The following GUCA1C variants were observed in gnomAD, a reference collection of about 807,000 sequenced individuals.
The protein encoded by GUCA1C is guanylate cyclase activator 1C.
In GUCA1C, 15 loss-of-function variants were observed where a neutral mutation model predicts 16.2. The observed-to-expected ratio is 0.93, with a 90% CI of 0.62 to 1.43. The LOEUF is 1.43. Ranked by LOEUF, GUCA1C falls within the 40% of genes most tolerant of loss-of-function variation. The probability of loss-of-function intolerance (pLI) is 0.00; values close to 1 mark genes in which losing one functional copy is unlikely to be tolerated. For missense variants in GUCA1C, 275 were observed against 244.8 expected, an observed-to-expected ratio of 1.12 and a Z score of -0.82; for synonymous variants, 78 against 85.4, an observed-to-expected ratio of 0.91 and a Z score of 0.48.
intron 3 of GUCA1C, among the ~76,000 whole-genome samples, chr3:108,910,893 A>G (rs1021384050): frequency 2.0e-5 from 3 of 151,842 alleles, no homozygotes; most frequent in African/African-American, 7.3e-5. Flanking sequence ...CTCGTGATCC[A>G]CCCACCTCGG....
rs551991614 is a variant in GUCA1C at position 108,940,923 on chromosome 3, G to A, written c.204+12636C>T. Among the ~76,000 whole-genome samples the A allele has an allele frequency of 3.2e-4, 48 of 152,326 alleles. No homozygotes were observed. The South Asian group carries it at 9.5e-3, about 30-fold the overall frequency. ...GAGACACAGAGAGGTTAATGGTCTT[G>A]TCCAAGATTACATACCCCAAGTAAG... On this transcript the variant is annotated intron_variant, in intron 1 of 3. Coordinates refer to ENST00000261047, the MANE Select transcript of GUCA1C (RefSeq NM_005459.4).
Position 108,931,917 on chromosome 3 carries a change from G to A in GUCA1C, c.205-11332C>T, listed in dbSNP as rs145271196. Among the ~76,000 whole-genome samples the A allele has an allele frequency of 3.6e-4, 50 of 139,214 alleles. No individual in the cohort carries two copies. In the East Asian group the frequency reaches 9.7e-3, roughly 27 times the overall value. The allele number at this position is 139,214 out of a possible 152,430, so 91.3% of individuals were successfully genotyped here. ...GGAGTCTCGCTCTGTCACCCAGGCT[G>A]GAGTGCAGTAGTGCAATCTGGCCTC... is the stretch of plus-strand genomic sequence containing the variant. On this transcript the variant is annotated intron_variant, in intron 1 of 3. Coordinates refer to ENST00000261047, the MANE Select transcript of GUCA1C (RefSeq NM_005459.4).
rs762730549 is a variant in GUCA1C, at chr3:108,908,138, T to A, written c.514A>T (p.Ser172Cys). 2 of 1,613,794 alleles carry A rather than the reference T, an allele frequency of 1.2e-6. No homozygotes were observed. The highest frequency in any genetic ancestry group is 4.5e-5 in the East Asian group (2 of 44,876). The change falls in exon 4 of 4, where the codon AGC (serine) becomes TGC (cysteine). Residue 172 changes from serine (S) to cysteine (C), a missense_variant. Transcript: ENST00000261047. ...DQDLLEIVYK[S>C]FDFSNVLRVI... is the part of the protein sequence containing the mutation. ...CTCAGCACATTGGAGAAGTCGAAGC[T>A]CTTGTAAACAATCTCCAGGAGATCC...
intron 1 of GUCA1C, among the ~76,000 whole-genome samples, chr3:108,935,592 A>G (rs1268065339): frequency 1.3e-5 from 2 of 151,800 alleles, no homozygotes; most frequent in Non-Finnish European, 2.9e-5. Flanking sequence ...GCTACTTGGG[A>G]GGCTGAGGCA....
At chr3:108,947,628 T>C (rs1377871429) in intron 1 of GUCA1C, among the ~76,000 whole-genome samples, 1 of 152,182 alleles carries the variant, frequency 6.6e-6, no homozygotes, top group Admixed American at 6.5e-5. Context: ...AGATGAATAA[T>C]AAATATTTTT....
chr3:108,926,119 G>A (rs2107291960), intron 1 of GUCA1C, among the ~76,000 whole-genome samples: 1 of 151,492 alleles, frequency 6.6e-6, no homozygotes, highest in South Asian at 2.1e-4. Context: ...CCAGTGTTAG[G>A]TGAATATATA....
intron 1 of GUCA1C, among the ~76,000 whole-genome samples, chr3:108,930,581 A>G (rs1339601570): frequency 6.6e-6 from 1 of 152,232 alleles, no homozygotes; most frequent in Non-Finnish European, 1.5e-5. Flanking sequence ...TACAGTCAGA[A>G]AGTGATAAGA....
chr3:108,935,554 A>G (rs1463741785), intron 1 of GUCA1C, among the ~76,000 whole-genome samples: 1 of 151,576 alleles, frequency 6.6e-6, no homozygotes, highest in Non-Finnish European at 1.5e-5. Flanking sequence ...AAATTAGCTA[A>G]GCATGGTGGC....
chr3:108,952,054 C>T (rs1003125104), intron 1 of GUCA1C, among the ~76,000 whole-genome samples: 1 of 152,346 alleles, frequency 6.6e-6, no homozygotes, highest in Non-Finnish European at 1.5e-5. Flanking sequence ...AACTGTAAAA[C>T]TCGATAGCTC....
At chr3:108,932,924 C>CAAAAAAAAAAAAAAAAAAAA in intron 1 of GUCA1C, among the ~76,000 whole-genome samples, 1 of 68,680 alleles carries the variant, frequency 1.5e-5, no homozygotes, top group Non-Finnish European at 3.1e-5. Flanking sequence ...AAAAAAATCT[C>CAAAAAAAAAAAAAAAAAAAA]AAAAAAAAAA....
rs774824457 is a variant in GUCA1C at position 108,953,853 on chromosome 3, T to C, written c.-91A>G. ...CTTACTCCTCACTAAAACTGAAGGC[T>C]AACATATGCCCTCAGAAAGCTACTC... On this transcript the variant is annotated 5_prime_UTR_variant, in exon 1 of 4. Transcript: ENST00000261047. The C allele has an allele frequency of 2.6e-5, 21 of 820,460 alleles. No individual in the cohort carries two copies. The highest frequency in any genetic ancestry group is 3.6e-5 in the Non-Finnish European group (17 of 477,722). The allele number at this position is 820,460 out of a possible 1,614,324, so 50.8% of individuals were successfully genotyped here.
At chr3:108,909,346 C>A (rs1005205485) in intron 3 of GUCA1C, among the ~76,000 whole-genome samples, 1 of 152,124 alleles carries the variant, frequency 6.6e-6, no homozygotes, top group South Asian at 2.1e-4. Flanking sequence ...AGAAAAGGTA[C>A]AATCGTAGAA....
intron 1 of GUCA1C, among the ~76,000 whole-genome samples, chr3:108,924,311 T>A (rs767550496): frequency 6.6e-6 from 1 of 152,192 alleles, no homozygotes; most frequent in Non-Finnish European, 1.5e-5. Flanking sequence ...CCTTAAGGTA[T>A]GTCCCTTCTA....
chr3:108,949,396 G>A (rs984430089), intron 1 of GUCA1C, among the ~76,000 whole-genome samples: 8 of 152,140 alleles, frequency 5.3e-5, no homozygotes, highest in Non-Finnish European at 7.4e-5. Flanking sequence ...TCCTGCAACC[G>A]AAGGTCCAGC....
At chr3:108,944,408 C>T (rs1313341013) in intron 1 of GUCA1C, among the ~76,000 whole-genome samples, 1 of 152,128 alleles carries the variant, frequency 6.6e-6, no homozygotes, top group Non-Finnish European at 1.5e-5. Flanking sequence ...GCCCCTGTCC[C>T]GTCCTGTGGA....
chr3:108,945,079 A>G (rs1269891662), intron 1 of GUCA1C, among the ~76,000 whole-genome samples: 1 of 152,246 alleles, frequency 6.6e-6, no homozygotes, highest in Non-Finnish European at 1.5e-5. Flanking sequence ...CCCTAGGAGC[A>G]GAGCCAGAGT....
chr3:108,932,295 GAA>G (rs953915011), intron 1 of GUCA1C, among the ~76,000 whole-genome samples: 5 of 101,954 alleles, frequency 4.9e-5, no homozygotes, highest in Non-Finnish European at 9.5e-5. Context: ...GGGGGATAAT[GAA>G]ACATGCAGAT....
intron 3 of GUCA1C, among the ~76,000 whole-genome samples, chr3:108,908,891 T>C (rs984332070): frequency 6.6e-6 from 1 of 152,214 alleles, no homozygotes; most frequent in African/African-American, 2.4e-5. Context: ...AATTCTCTGT[T>C]GATATAAATC....
intron 1 of GUCA1C, among the ~76,000 whole-genome samples, chr3:108,942,799 T>C (rs539695457): frequency 1.3e-5 from 2 of 152,380 alleles, no homozygotes; most frequent in South Asian, 4.1e-4. Context: ...AAAGTCAATT[T>C]AGGACAGAGA....
Sources: gnomAD v4.1 joint callset for allele counts (sites outside exome capture counted in the v4.1 genomes callset) on GRCh38, gnomAD v4.1.1 for gene constraint, MANE v1.5 for transcripts, NCBI Gene and HGNC (gene_info 2026-07-23, HGNC 2026-07-21) for gene names.